The following PCDHA3 variants were observed in gnomAD, a reference collection of about 807,000 sequenced individuals.
The protein encoded by PCDHA3 is protocadherin alpha 3.
A neutral mutation model predicts 62.2 loss-of-function variants in PCDHA3; 41 were observed. The ratio of observed to expected loss-of-function variants is 0.66; its 90% CI spans 0.51 to 0.86. The LOEUF (loss-of-function observed/expected upper bound fraction) is 0.86. PCDHA3 is among the 40% of genes least tolerant of loss of function. The pLI is 0.00. For missense variants in PCDHA3, 1,304 were observed against 1,241.2 expected, an observed-to-expected ratio of 1.05 and a Z score of -0.76; for synonymous variants, 640 against 555.4, an observed-to-expected ratio of 1.15 and a Z score of -2.14.
At chr5:140,988,467 A>T (rs1245281936) in intron 3 of PCDHA3, among the ~76,000 whole-genome samples, 12 of 152,242 alleles carry the variant, frequency 7.9e-5, no homozygotes, top group African/African-American at 2.4e-4. Flanking sequence ...AGGGTGTGGG[A>T]AGGGGAATTA....
chr5:140,984,645 C>T (rs1354690786), intron 3 of PCDHA3, among the ~76,000 whole-genome samples: 1 of 152,164 alleles, frequency 6.6e-6, no homozygotes, highest in African/African-American at 2.4e-5. Flanking sequence ...TGCCTTCTCC[C>T]TGTCCTTCTG....
intron 1 of PCDHA3, among the ~76,000 whole-genome samples, chr5:140,977,234 A>G (rs2096751203): frequency 1.3e-5 from 2 of 152,242 alleles, no homozygotes; most frequent in Non-Finnish European, 2.9e-5. Flanking sequence ...CCAATCATAG[A>G]AAAATTGGCA....
intron 3 of PCDHA3, among the ~76,000 whole-genome samples, chr5:141,007,874 T>TA (rs2098349969): frequency 6.6e-6 from 1 of 152,244 alleles, no homozygotes; most frequent in African/African-American, 2.4e-5. Flanking sequence ...TCCTTTGTCT[T>TA]ACACTTCTTT....
rs2150360253 is a variant in PCDHA3, at chr5:140,843,448, C to T, written c.2394+39857C>T. ...TCATCGCCATCTGCGCGGTATCCAGCCTGCTGGTGCTCACGCTGCTGCTGT... is the reference window on the plus strand; with the variant it reads ...TCATCGCCATCTGCGCGGTATCCAGTCTGCTGGTGCTCACGCTGCTGCTGT... On this transcript the variant is annotated intron_variant, in intron 1 of 3. Transcript: ENST00000522353. The T allele has an allele frequency of 1.9e-6, 3 of 1,595,998 alleles. No homozygotes were observed. The South Asian group carries it at 3.3e-5, about 18-fold the overall frequency.
chr5:140,823,294 G>C lies in PCDHA3; in HGVS notation c.2394+19703G>C. On this transcript the variant is annotated intron_variant, in intron 1 of 3. Transcript: ENST00000522353. ...GGGCGAGCGCCCGCTGTCGAGTTACGTTTCGGTGCACGCGGAGAGCGGCAA... is the reference window on the plus strand; with the variant it reads ...GGGCGAGCGCCCGCTGTCGAGTTACCTTTCGGTGCACGCGGAGAGCGGCAA... 3.7e-6 allele frequency: 6 copies of C among 1,612,492 alleles called. No individual in the cohort carries two copies. In the East Asian group the frequency reaches 1.3e-4, roughly 36 times the overall value.
At chr5:140,854,861 A>G (rs1176578969) in intron 1 of PCDHA3, among the ~76,000 whole-genome samples, 2 of 149,864 alleles carry the variant, frequency 1.3e-5, no homozygotes, top group African/African-American at 4.9e-5. Flanking sequence ...TACTAGATAT[A>G]TTTCAGAACT....
At chr5:140,875,254 T>A in intron 1 of PCDHA3, 1 of 1,054,680 alleles carries the variant, frequency 9.5e-7, no homozygotes, top group Non-Finnish European at 1.3e-6. Context: ...ATCAGTCACA[T>A]GATGTCGCTC....
chr5:140,922,595 A>G (rs1554200883), intron 1 of PCDHA3, among the ~76,000 whole-genome samples: 1 of 152,216 alleles, frequency 6.6e-6, no homozygotes, highest in Non-Finnish European at 1.5e-5. Context: ...AGTTCTCATC[A>G]GTTGAAGATA....
chr5:141,009,938 G>T lies in PCDHA3; in HGVS notation c.*1G>T, dbSNP rs781826815. The T allele has an allele frequency of 6.6e-5, 106 of 1,600,570 alleles. No individual in the cohort carries two copies. The highest frequency in any genetic ancestry group is 8.9e-5 in the Non-Finnish European group (105 of 1,175,516). ...CACGACTGACAACAGTGACCAGTGA[G>T]GTCCTCAAATGGAAACAAGCCACTT... On this transcript the variant is annotated 3_prime_UTR_variant, in exon 4 of 4. Coordinates refer to ENST00000522353, the MANE Select transcript of PCDHA3 (RefSeq NM_018906.3).
At chr5:140,994,753 G>T (rs143791883) in intron 3 of PCDHA3, among the ~76,000 whole-genome samples, 6 of 152,252 alleles carry the variant, frequency 3.9e-5, no homozygotes, top group Non-Finnish European at 7.3e-5. Context: ...AGTAGGATGT[G>T]GAGAGGAAGA....
At chr5:140,823,378 AGC>A in intron 1 of PCDHA3, 1 of 1,612,736 alleles carries the variant, frequency 6.2e-7, no homozygotes, top group Non-Finnish European at 8.5e-7. Context: ...GTTCCAGGTG[AGC>A]GCGCGCGACG....
At chr5:140,892,702 A>C (rs1391662001) in intron 1 of PCDHA3, among the ~76,000 whole-genome samples, 1 of 152,240 alleles carries the variant, frequency 6.6e-6, no homozygotes, top group Non-Finnish European at 1.5e-5. Flanking sequence ...AAATCAGGGT[A>C]ATTAGCATAT....
intron 1 of PCDHA3, among the ~76,000 whole-genome samples, chr5:140,820,934 T>C (rs1766861378): frequency 6.6e-6 from 1 of 152,076 alleles, no homozygotes; most frequent in Non-Finnish European, 1.5e-5. Flanking sequence ...TCTAGAAAGC[T>C]GAAATATCCC....
chr5:140,864,844 C>T (rs894176807), intron 1 of PCDHA3: 3 of 152,100 alleles, frequency 2.0e-5, no homozygotes, highest in Admixed American at 2.0e-4. Context: ...AGAGAGTCTT[C>T]CCATACATGA....
intron 1 of PCDHA3, chr5:140,871,538 ATTATTTAAAATCCAGTTTTTT>A (rs2053161122): frequency 1.3e-5 from 20 of 1,507,314 alleles, no homozygotes; most frequent in Non-Finnish European, 1.8e-5. Context: ...TGTATGTGAA[ATTATTTAAAATCCAGTTTTTT>A]TTCACGGATT....
intron 1 of PCDHA3, among the ~76,000 whole-genome samples, chr5:140,940,287 C>T (rs190568424): frequency 6.6e-6 from 1 of 152,272 alleles, no homozygotes; most frequent in East Asian, 1.9e-4. Context: ...CATTGTGCTG[C>T]TTCATCAGTA....
intron 1 of PCDHA3, among the ~76,000 whole-genome samples, chr5:140,886,739 T>C (rs1411142692): frequency 6.6e-6 from 1 of 151,488 alleles, no homozygotes; most frequent in Non-Finnish European, 1.5e-5. Context: ...AGCAAGAGAA[T>C]TGCTTGAACC....
intron 1 of PCDHA3, chr5:140,848,908 A>C: frequency 6.2e-7 from 1 of 1,600,388 alleles, no homozygotes; most frequent in Non-Finnish European, 8.5e-7. Flanking sequence ...GCGACACAAA[A>C]GAATCTGTTC....
intron 3 of PCDHA3, among the ~76,000 whole-genome samples, chr5:140,991,357 T>G (rs1409351374): frequency 2.6e-5 from 4 of 152,258 alleles, no homozygotes; most frequent in African/African-American, 9.6e-5. Flanking sequence ...AAAGACTATT[T>G]ACTGTCTGAG....
Sources: gnomAD v4.1 joint callset for allele counts (sites outside exome capture counted in the v4.1 genomes callset) on GRCh38, gnomAD v4.1.1 for gene constraint, MANE v1.5 for transcripts, NCBI Gene and HGNC (gene_info 2026-07-23, HGNC 2026-07-21) for gene names.